Variants in CDCA3 observed in about 807,000 individuals in gnomAD.
CDCA3 encodes the protein cell division cycle-associated protein 3.
A neutral mutation model predicts 29.1 loss-of-function variants in CDCA3; 16 were observed. The observed-to-expected ratio is 0.55, with a 90% CI of 0.37 to 0.83. The LOEUF (loss-of-function observed/expected upper bound fraction) is 0.83, where lower values mean the gene tolerates loss of function less well. CDCA3 is among the 40% of genes least tolerant of loss of function. The probability of loss-of-function intolerance (pLI) is 0.00; values close to 1 mark genes in which losing one functional copy is unlikely to be tolerated. For synonymous variants in CDCA3, 88 were observed against 124.5 expected (o/e 0.71, Z 1.95); for missense variants, 291 against 327.2 (o/e 0.89, Z 0.85).
chr12:6,845,637 C>T (rs782368057), downstream of CDCA3: 17 of 1,613,648 alleles, frequency 1.1e-5, 2 homozygotes, highest in East Asian at 8.9e-5. Flanking sequence ...CGCTTCCTGC[C>T]GCTTGTTTGA....
downstream of CDCA3, chr12:6,846,929 TG>T (rs1555124886): frequency 7.9e-7 from 1 of 1,266,984 alleles, no homozygotes; most frequent in Non-Finnish European, 1.1e-6. Context: ...TGGAAGGCAG[TG>T]AACACACTCA....
chr12:6,851,228 C>T lies in CDCA3; in HGVS notation c.-64G>A, dbSNP rs1461828584. Reference sequence around the variant, plus strand: ...AATTATTCAAATCACTTACCGGGCCCCAATTCCACCTCTGGATGCACAACA... The same window carrying T: ...AATTATTCAAATCACTTACCGGGCCTCAATTCCACCTCTGGATGCACAACA... On this transcript the variant is annotated 5_prime_UTR_variant, in exon 1 of 6. Transcript: ENST00000538862. 2 of 1,237,828 alleles carry T rather than the reference C, an allele frequency of 1.6e-6. No homozygotes were observed. Among genetic ancestry groups the T allele is most frequent in the African/African-American group, 3.1e-5 (2 of 64,530 alleles). 76.7% of individuals were successfully genotyped at this position (1,237,828 alleles called of 1,614,324 possible).
Position 6,850,382 on chromosome 12 carries a change from G to A in CDCA3, c.250+85C>T. 1.9e-6 allele frequency: 3 copies of A among 1,558,424 alleles called. No individual in the cohort carries two copies. The highest frequency in any genetic ancestry group is 1.8e-6 in the Non-Finnish European group (2 of 1,138,052). On this transcript the variant is annotated intron_variant, in intron 3 of 5. Coordinates refer to ENST00000538862, the MANE Select transcript of CDCA3 (RefSeq NM_031299.7). This position sits in a 1 kb window ranked among gnomAD's most constrained non-coding sequence, Gnocchi z 4.7. ...AGCAGGAGGATAGAGGCCCCTTTAAGGAACCCTGAGAGAATGGCTTCATGG... is the reference window on the plus strand; with the variant it reads ...AGCAGGAGGATAGAGGCCCCTTTAAAGAACCCTGAGAGAATGGCTTCATGG...
downstream of CDCA3, chr12:6,846,695 A>ACC (rs1943710033): frequency 1.6e-6 from 1 of 644,230 alleles, no homozygotes; most frequent in Non-Finnish European, 2.7e-6. Flanking sequence ...ACATACACAC[A>ACC]CACACCCACA....
chr12:6,850,595 AC>A lies in CDCA3; in HGVS notation c.121del (p.Val41TrpfsTer38). ...SAGILRTPIQVESSPQPGLPA... is the reference protein window; with the variant it reads ...SAGILRTPIQXESSPQPGLPA... ...TAGGCCTGGCTGTGGAGAGCTCTCC[AC>A]CTGTCAAGACCATAGGCTAGAACAA... On this transcript the variant is annotated frameshift_variant and splice_region_variant, in exon 3 of 6. Transcript: ENST00000538862. LOFTEE classifies it high-confidence loss of function. The surrounding 1 kb of genome is among the most constrained non-coding windows in gnomAD (Gnocchi z 4.7). 6.2e-7 allele frequency: 1 copy of A among 1,613,900 alleles called. No homozygotes were observed. Among genetic ancestry groups the A allele is most frequent in the Non-Finnish European group, 8.5e-7 (1 of 1,179,970 alleles).
chr12:6,847,239 A>G (rs1418702018), downstream of CDCA3: 2 of 315,070 alleles, frequency 6.3e-6, no homozygotes, highest in East Asian at 1.1e-4. Context: ...CAGAGCCACT[A>G]CCTTTGTCCA....
In CDCA3 at chr12:6,849,207, G is replaced by A. The variant is rs781857226; in HGVS notation, c.652-9C>T. 94 of 1,613,970 alleles carry A rather than the reference G, an allele frequency of 5.8e-5. No individual in the cohort carries two copies. The highest frequency in any genetic ancestry group is 1.1e-4 in the East Asian group (5 of 44,900). ...GGTGAAGGCCGCTTACCCTGAAAAC[G>A]GCAGTGTATGAGTTGGGGGGAGTTG... is the stretch of plus-strand genomic sequence containing the variant. On this transcript the variant is annotated splice_polypyrimidine_tract_variant and intron_variant, in intron 5 of 5. Coordinates refer to ENST00000538862, the MANE Select transcript of CDCA3 (RefSeq NM_031299.7). The surrounding 1 kb of genome is among the most constrained non-coding windows in gnomAD (Gnocchi z 5.2).
At chr12:6,851,115 G>A in intron 1 of CDCA3, 106 bp from the exon 2 acceptor site, 1 of 1,414,044 alleles carries the variant, frequency 7.1e-7, no homozygotes, top group Non-Finnish European at 9.2e-7. Flanking sequence ...TCCTGGCGAG[G>A]GACCAGAGGC....
At chr12:6,845,699 C>T (rs369136317), downstream of CDCA3, 41 of 1,613,854 alleles carry the variant, frequency 2.5e-5, no homozygotes, top group South Asian at 4.4e-5. Flanking sequence ...GCATCATCTG[C>T]GGCATCACGT....
At position 6,850,781 on chromosome 12, in the gene CDCA3, G is replaced by T; in HGVS notation, c.120+52C>A. 6.2e-7 allele frequency: 1 copy of T among 1,602,952 alleles called. No individual in the cohort carries two copies. The highest frequency in any genetic ancestry group is 1.1e-5 in the South Asian group (1 of 89,646). On this transcript the variant is annotated intron_variant, in intron 2 of 5. Coordinates refer to ENST00000538862, the MANE Select transcript of CDCA3 (RefSeq NM_031299.7). This position sits in a 1 kb window ranked among gnomAD's most constrained non-coding sequence, Gnocchi z 4.7. ...GGCTCTCTCAAAATCAGGTTAGGAA[G>T]AGACCCAAGAATTCAGACATTCTCT...
At chr12:6,846,688 TAC>T (rs782215016), downstream of CDCA3, 381 of 628,348 alleles carry the variant, frequency 6.1e-4, no homozygotes, top group Middle Eastern at 3.9e-3. Flanking sequence ...CACACCCACA[TAC>T]ACACACACAC....
At chr12:6,846,740 GC>G, downstream of CDCA3, 1 of 1,051,428 alleles carries the variant, frequency 9.5e-7, no homozygotes, top group Non-Finnish European at 1.4e-6. Flanking sequence ...TGCACACACT[GC>G]TTTCCAAATC....
downstream of CDCA3, chr12:6,847,915 T>G (rs1032852688): frequency 5.3e-5 from 8 of 152,154 alleles, no homozygotes; most frequent in Non-Finnish European, 1.2e-4. Flanking sequence ...AGATTAAAGA[T>G]GTGGAATCAG....
chr12:6,846,137 A>C (rs549310606), downstream of CDCA3: 8 of 321,422 alleles, frequency 2.5e-5, no homozygotes, highest in Non-Finnish European at 4.1e-5. Context: ...GAAACATGGA[A>C]TCAAGGCAGA....
Position 6,851,275 on chromosome 12 carries a change from G to A in CDCA3, c.-111C>T. ...AACAGCTCGTGGCTCAACTCCCGAA[G>A]TTACCAGTTTCAAACTTCCCGCCAC... is the stretch of plus-strand genomic sequence containing the variant. On this transcript the variant is annotated 5_prime_UTR_variant, in exon 1 of 6. Transcript: ENST00000538862. 7.1e-6 allele frequency: 8 copies of A among 1,126,172 alleles called. No individual in the cohort carries two copies. The highest frequency in any genetic ancestry group is 8.7e-6 in the Non-Finnish European group (8 of 916,054). The allele number at this position is 1,126,172 out of a possible 1,614,324, so 69.8% of individuals were successfully genotyped here. A position where few individuals can be genotyped will look rare whatever the true frequency, so the allele number is the denominator to read the frequency against.
chr12:6,851,035 C>A, intron 1 of CDCA3, 26 bp from the exon 2 acceptor site: 1 of 1,500,488 alleles, frequency 6.7e-7, no homozygotes, highest in South Asian at 1.3e-5. Flanking sequence ...CAGGTCTCAG[C>A]CCTTATCTCT....
downstream of CDCA3, chr12:6,846,104 C>T (rs1185262026): frequency 8.0e-6 from 3 of 375,762 alleles, no homozygotes; most frequent in African/African-American, 6.1e-5. Context: ...GGGGCACCCA[C>T]TGAGAGGCAA....
rs781851667 is a variant in CDCA3, at chr12:6,849,745, A to G, written c.364T>C (p.Leu122=). 1 of 1,613,608 alleles carries G rather than the reference A, an allele frequency of 6.2e-7. No homozygotes were observed. The highest frequency in any genetic ancestry group is 2.2e-5 in the East Asian group (1 of 44,884). Residue 122 remains leucine (L), a synonymous_variant, in exon 4 of 6, where the codon TTG becomes CTG. Coordinates refer to ENST00000538862, the MANE Select transcript of CDCA3 (RefSeq NM_031299.7). This position sits in a 1 kb window ranked among gnomAD's most constrained non-coding sequence, Gnocchi z 5.2. ...LPPEAPLSSE[L]DLPLGTQLSV... is the part of the protein sequence containing the mutation. ...AACTGGGTACCCAGAGGCAAGTCCAATTCAGAAGATAAAGGTGCCTCTGGG... is the reference window on the plus strand; with the variant it reads ...AACTGGGTACCCAGAGGCAAGTCCAGTTCAGAAGATAAAGGTGCCTCTGGG...
rs782621599 is a variant in CDCA3, at chr12:6,849,280, C to T, written c.651+43G>A. 4.4e-6 allele frequency: 7 copies of T among 1,596,824 alleles called. No individual in the cohort carries two copies. The highest frequency in any genetic ancestry group is 2.2e-5 in the South Asian group (2 of 89,030). Reference sequence around the variant, plus strand: ...GGGTAAAAGGGTCTCCCACCCTCTACGTTGGATATCCTAGTAACAGCTTGC... The same window carrying T: ...GGGTAAAAGGGTCTCCCACCCTCTATGTTGGATATCCTAGTAACAGCTTGC... On this transcript the variant is annotated intron_variant, in intron 5 of 5. Transcript: ENST00000538862. The surrounding 1 kb of genome is among the most constrained non-coding windows in gnomAD (Gnocchi z 5.2).
Sources: allele counts gnomAD v4.1 joint callset, GRCh38; gene constraint gnomAD v4.1.1; non-coding constraint Gnocchi (gnomAD v3.1); transcripts MANE v1.5; gene names NCBI Gene and HGNC (gene_info 2026-07-23, HGNC 2026-07-21).